ERC2: variants seen among roughly 807,000 people sequenced by gnomAD.
ERC2 encodes ERC protein 2.
In ERC2, 42 loss-of-function variants were observed where a neutral mutation model predicts 114.8. The ratio of observed to expected loss-of-function variants is 0.37; its 90% CI spans 0.29 to 0.47. The LOEUF is 0.47. ERC2 is among the 20% of genes least tolerant of loss of function. ERC2 has a pLI of 0.99. For synonymous variants in ERC2, 454 were observed against 425.5 expected, an observed-to-expected ratio of 1.07 and a Z score of -0.82; for missense variants, 939 against 1,150.7, an observed-to-expected ratio of 0.82 and a Z score of 2.66.
chr3:55,518,766 G>A (rs886294190), intron 17 of ERC2, among the ~76,000 whole-genome samples: 2 of 152,178 alleles, frequency 1.3e-5, no homozygotes, highest in Non-Finnish European at 2.9e-5. Context: ...TGGCGCCCTG[G>A]TGGCTATATA....
chr3:56,117,959 G>A (rs150772724), intron 6 of ERC2, among the ~76,000 whole-genome samples: 1 of 152,360 alleles, frequency 6.6e-6, no homozygotes, highest in East Asian at 1.9e-4. Flanking sequence ...CAGAGGAAAT[G>A]CAAGGAAGAA....
intron 13 of ERC2, among the ~76,000 whole-genome samples, chr3:55,927,406 G>A (rs2065808873): frequency 1.3e-5 from 2 of 151,858 alleles, no homozygotes; most frequent in African/African-American, 4.8e-5. Context: ...CCATCCTTTT[G>A]TTTTTTTGCT....
In ERC2 at chr3:56,216,840, C is replaced by T. The variant is rs192188667; in HGVS notation, c.1075-43320G>A. Among the ~76,000 whole-genome samples the T allele has an allele frequency of 3.5e-3, 532 of 152,224 alleles. 2 individuals are homozygous for T. Among genetic ancestry groups the T allele is most frequent in the Non-Finnish European group, 6.0e-3 (409 of 68,034 alleles). On this transcript the variant is annotated intron_variant, in intron 3 of 17. Transcript: ENST00000288221. ...TGGGATGCAAGGCTGGTTCAACAAACGCAAATCAATAAAAATAATCCAGCA... is the reference window on the plus strand; with the variant it reads ...TGGGATGCAAGGCTGGTTCAACAAATGCAAATCAATAAAAATAATCCAGCA...
intron 3 of ERC2, among the ~76,000 whole-genome samples, chr3:56,281,436 CAAAAAAAAAAA>C (rs71099629): frequency 4.2e-5 from 2 of 47,530 alleles, no homozygotes; most frequent in Admixed American, 3.7e-4. Context: ...GACTCCGTCT[CAAAAAAAAAAA>C]AAAAAAAAAA....
At chr3:55,554,735 C>T (rs542671850) in intron 17 of ERC2, among the ~76,000 whole-genome samples, 29 of 152,322 alleles carry the variant, frequency 1.9e-4, no homozygotes, top group South Asian at 1.7e-3. Flanking sequence ...CCCCCTCCCC[C>T]CTTCCCCGTG....
chr3:55,910,419 CA>C (rs2064734203), intron 13 of ERC2, among the ~76,000 whole-genome samples: 1 of 151,168 alleles, frequency 6.6e-6, no homozygotes, highest in Middle Eastern at 3.2e-3. Flanking sequence ...ACAAAAAAAA[CA>C]AAACAAAACA....
chr3:55,512,184 T>A (rs1340103947), intron 17 of ERC2, among the ~76,000 whole-genome samples: 1 of 152,178 alleles, frequency 6.6e-6, no homozygotes, highest in Non-Finnish European at 1.5e-5. Context: ...CTAACAAGAA[T>A]GCCAAAGATC....
At chr3:56,262,847 C>T (rs1051021136) in intron 3 of ERC2, among the ~76,000 whole-genome samples, 1 of 152,198 alleles carries the variant, frequency 6.6e-6, no homozygotes, top group Admixed American at 6.5e-5. Flanking sequence ...GGATCTCCTT[C>T]ATAGGGATAC....
At chr3:55,625,396 G>C (rs1330697085) in intron 17 of ERC2, among the ~76,000 whole-genome samples, 2 of 142,856 alleles carry the variant, frequency 1.4e-5, no homozygotes, top group African/African-American at 2.6e-5. Context: ...AAAAAGAAAA[G>C]AGAAAGAAAT....
chr3:55,571,220 C>T (rs1223526869), intron 17 of ERC2, among the ~76,000 whole-genome samples: 1 of 151,136 alleles, frequency 6.6e-6, no homozygotes, highest in East Asian at 2.0e-4. Flanking sequence ...CTGTTTTGTG[C>T]ACAACTGTGC....
intron 13 of ERC2, among the ~76,000 whole-genome samples, chr3:55,934,444 T>C (rs1417520454): frequency 6.6e-6 from 1 of 152,220 alleles, no homozygotes; most frequent in Non-Finnish European, 1.5e-5. Flanking sequence ...AAGTCATTGA[T>C]TCATACAAAC....
intron 14 of ERC2, among the ~76,000 whole-genome samples, chr3:55,825,373 A>G (rs2060284093): frequency 6.6e-6 from 1 of 152,230 alleles, no homozygotes; most frequent in South Asian, 2.1e-4. Flanking sequence ...AAAATACAAT[A>G]TACAGTTTAA....
chr3:56,085,764 C>T (rs1273727827), intron 6 of ERC2, among the ~76,000 whole-genome samples: 1 of 152,138 alleles, frequency 6.6e-6, no homozygotes, highest in Non-Finnish European at 1.5e-5. Context: ...ATGCTGAACA[C>T]TCTGGATTAT....
intron 17 of ERC2, among the ~76,000 whole-genome samples, chr3:55,512,908 A>G (rs912748041): frequency 2.0e-5 from 3 of 152,258 alleles, no homozygotes; most frequent in Admixed American, 2.0e-4. Context: ...GGAAACCTCA[A>G]GTGACACCGC....
At chr3:55,812,283 G>A (rs559435138) in intron 14 of ERC2, among the ~76,000 whole-genome samples, 2 of 152,308 alleles carry the variant, frequency 1.3e-5, no homozygotes, top group African/African-American at 4.8e-5. Context: ...ACCACTTGCT[G>A]AAGCAGTAAA....
At chr3:56,315,351 C>T (rs2056814101) in intron 2 of ERC2, among the ~76,000 whole-genome samples, 1 of 152,164 alleles carries the variant, frequency 6.6e-6, no homozygotes, top group African/African-American at 2.4e-5. Flanking sequence ...TCCATGTTAT[C>T]ATTGAGTAAG....
intron 1 of ERC2, among the ~76,000 whole-genome samples, chr3:56,442,341 C>T (rs1015971212): frequency 2.6e-5 from 4 of 152,182 alleles, no homozygotes; most frequent in Non-Finnish European, 4.4e-5. Context: ...GTGCCTCAGC[C>T]TCCTGAGCAG....
chr3:55,957,863 A>G (rs1265510392), intron 12 of ERC2, among the ~76,000 whole-genome samples: 1 of 152,202 alleles, frequency 6.6e-6, no homozygotes, highest in Admixed American at 6.5e-5. Flanking sequence ...GGTACCACAG[A>G]GCCTCAGAGA....
chr3:55,662,317 T>C (rs558893556), intron 17 of ERC2, among the ~76,000 whole-genome samples: 1 of 152,332 alleles, frequency 6.6e-6, no homozygotes, highest in South Asian at 2.1e-4. Flanking sequence ...TGGCAAACTA[T>C]CTAAATGCCC....
Sources: gnomAD v4.1 joint callset for allele counts (sites outside exome capture counted in the v4.1 genomes callset) on GRCh38, gnomAD v4.1.1 for gene constraint, MANE v1.5 for transcripts, NCBI Gene and HGNC (gene_info 2026-07-23, HGNC 2026-07-21) for gene names.